EPHA3: variants seen among roughly 807,000 people sequenced by gnomAD.
EPHA3 encodes the protein ephrin type-A receptor 3.
In EPHA3, 42 loss-of-function variants were observed where a neutral mutation model predicts 107.1. The observed-to-expected ratio is 0.39, with a 90% CI of 0.31 to 0.51. EPHA3 has a LOEUF of 0.51. Among genes scored for constraint, EPHA3 ranks in the 20% least tolerant of loss-of-function variants. EPHA3 has a pLI of 0.78. For missense variants in EPHA3, 1,183 were observed against 1,211.2 expected (o/e 0.98, Z 0.35); for synonymous variants, 461 against 424.8 (o/e 1.09, Z -1.05).
chr3:89,156,074 G>A (rs1340961358), intron 2 of EPHA3, among the ~76,000 whole-genome samples: 4 of 152,052 alleles, frequency 2.6e-5, no homozygotes, highest in South Asian at 2.1e-4. Context: ...ACTGGAGGCC[G>A]TTGGGAAGAA....
intron 3 of EPHA3, among the ~76,000 whole-genome samples, chr3:89,293,187 G>A (rs1576293806): frequency 6.6e-6 from 1 of 151,912 alleles, no homozygotes; most frequent in East Asian, 1.9e-4. Flanking sequence ...TTTTGAGCGG[G>A]GAGATTATTT....
chr3:89,388,933 A>C (rs1708673553), intron 5 of EPHA3, among the ~76,000 whole-genome samples: 1 of 152,228 alleles, frequency 6.6e-6, no homozygotes, highest in Admixed American at 6.5e-5. Flanking sequence ...AGAAAGTTGA[A>C]ATTCTGAAAA....
intron 7 of EPHA3, chr3:89,400,111 A>C: frequency 1.0e-6 from 1 of 983,514 alleles, no homozygotes; most frequent in Non-Finnish European, 1.2e-6. Context: ...TAATTTTCAA[A>C]AAGGTAAAAT....
At chr3:89,196,172 C>T (rs1705832997) in intron 2 of EPHA3, among the ~76,000 whole-genome samples, 2 of 152,012 alleles carry the variant, frequency 1.3e-5, no homozygotes, top group African/African-American at 4.8e-5. Context: ...AAATAGTTCA[C>T]CATGAAGTCT....
In EPHA3 at chr3:89,481,231, G is replaced by T. The variant is rs1417287210; in HGVS notation, c.*1729G>T. 3 of 232,132 alleles carry T rather than the reference G, an allele frequency of 1.3e-5. No homozygotes were observed. The highest frequency in any genetic ancestry group is 2.2e-5 in the African/African-American group (1 of 45,296). The allele number at this position is 232,132 out of a possible 1,614,324, so 14.4% of individuals were successfully genotyped here. On this transcript the variant is annotated 3_prime_UTR_variant, in exon 17 of 17. Transcript: ENST00000336596. ...AACTCACAAGTGCTCATCTGTTGTA[G>T]ATTTAGTGTAATAAGACTTAGATTG...
At chr3:89,210,650 A>G in intron 3 of EPHA3, 130 bp downstream of exon 3, 1 of 895,980 alleles carries the variant, frequency 1.1e-6, no homozygotes, top group Non-Finnish European at 1.7e-6. Context: ...ACCATAGTCT[A>G]TTTATGGACT....
intron 3 of EPHA3, among the ~76,000 whole-genome samples, chr3:89,229,178 A>C (rs1455859928): frequency 1.3e-5 from 2 of 152,018 alleles, no homozygotes; most frequent in African/African-American, 2.4e-5. Context: ...GAATCAAATT[A>C]CATTTCAGGT....
chr3:89,162,327 T>C (rs955580648), intron 2 of EPHA3, among the ~76,000 whole-genome samples: 1 of 152,072 alleles, frequency 6.6e-6, no homozygotes, highest in Non-Finnish European at 1.5e-5. Flanking sequence ...TCAGAAGAAA[T>C]AAAGTACCTT....
chr3:89,360,095 T>A (rs879288812), intron 5 of EPHA3, among the ~76,000 whole-genome samples: 1 of 150,272 alleles, frequency 6.7e-6, no homozygotes, highest in Non-Finnish European at 1.5e-5. Flanking sequence ...AACCTAGATC[T>A]TTCCAGTGCA....
rs755432416 is a variant in EPHA3 at position 89,341,988 on chromosome 3, C to G, written c.1204C>G (p.His402Asp). The G allele has an allele frequency of 4.3e-6, 7 of 1,613,300 alleles. No individual in the cohort carries two copies. The highest frequency in any genetic ancestry group is 5.1e-6 in the Non-Finnish European group (6 of 1,179,900). Residue 402 changes from histidine (H) to aspartate (D), a missense_variant, in exon 5 of 17, where the codon CAT becomes GAT. Coordinates refer to ENST00000336596, the MANE Select transcript of EPHA3 (RefSeq NM_005233.6). ...TTVTVTDLLAHTNYTFEIDAV... is the reference protein window; with the variant it reads ...TTVTVTDLLADTNYTFEIDAV... Reference sequence around the variant, plus strand: ...GGTGACAGTGACAGACCTTCTGGCACATACTAACTACACCTTTGAGATTGA... The same window carrying G: ...GGTGACAGTGACAGACCTTCTGGCAGATACTAACTACACCTTTGAGATTGA...
intron 15 of EPHA3, among the ~76,000 whole-genome samples, chr3:89,460,027 T>G (rs1710190628): frequency 6.6e-6 from 1 of 152,216 alleles, no homozygotes; most frequent in Non-Finnish European, 1.5e-5. Context: ...TCACTTATTT[T>G]ATAACTGAAG....
intron 5 of EPHA3, among the ~76,000 whole-genome samples, chr3:89,354,973 T>A (rs530133309): frequency 6.6e-6 from 1 of 151,284 alleles, no homozygotes; most frequent in South Asian, 2.1e-4. Flanking sequence ...GATTTCTTCT[T>A]TGAAATCAAA....
intron 1 of EPHA3, among the ~76,000 whole-genome samples, chr3:89,126,338 AC>A (rs1704096652): frequency 6.6e-6 from 1 of 151,640 alleles, no homozygotes; most frequent in Middle Eastern, 3.2e-3. Context: ...ATTAAAGTGA[AC>A]CTTTTGTTAT....
intron 3 of EPHA3, among the ~76,000 whole-genome samples, chr3:89,306,491 T>C (rs1001406948): frequency 1.3e-5 from 2 of 152,180 alleles, no homozygotes; most frequent in African/African-American, 2.4e-5. Flanking sequence ...TAATTTTCTA[T>C]TTTAACCATC....
At chr3:89,148,634 G>C (rs1401015263) in intron 2 of EPHA3, among the ~76,000 whole-genome samples, 1 of 151,896 alleles carries the variant, frequency 6.6e-6, no homozygotes, top group Admixed American at 6.6e-5. Flanking sequence ...TAAGGAGCCT[G>C]TATAACTTTC....
chr3:89,472,767 A>G (rs747803914), intron 16 of EPHA3, 148 bp downstream of exon 16: 69 of 892,526 alleles, frequency 7.7e-5, no homozygotes, highest in Non-Finnish European at 1.0e-4. Flanking sequence ...ACTGCTAATC[A>G]GGGCCCTGGG....
At chr3:89,428,350 T>A (rs116318896) in intron 11 of EPHA3, among the ~76,000 whole-genome samples, 6 of 152,014 alleles carry the variant, frequency 3.9e-5, no homozygotes, top group Non-Finnish European at 7.4e-5. Context: ...TGTTAATATA[T>A]AAATTAATTA....
At chr3:89,132,605 C>T (rs1013248438) in intron 2 of EPHA3, among the ~76,000 whole-genome samples, 1 of 152,132 alleles carries the variant, frequency 6.6e-6, no homozygotes, top group African/African-American at 2.4e-5. Flanking sequence ...CCAGGTGGCT[C>T]ATACCTGTAA....
chr3:89,293,451 C>G (rs1396848256), intron 3 of EPHA3, among the ~76,000 whole-genome samples: 1 of 152,034 alleles, frequency 6.6e-6, no homozygotes, highest in Admixed American at 6.6e-5. Flanking sequence ...TTTAAGGGGC[C>G]AGATAATAAA....
Sources: gnomAD v4.1 joint callset for allele counts (sites outside exome capture counted in the v4.1 genomes callset) on GRCh38, gnomAD v4.1.1 for gene constraint, MANE v1.5 for transcripts, NCBI Gene and HGNC (gene_info 2026-07-23, HGNC 2026-07-21) for gene names.